Variants in CNGB1 observed in about 807,000 individuals in gnomAD.
The protein encoded by CNGB1 is cyclic nucleotide-gated channel beta-1.
A neutral mutation model predicts 151.7 loss-of-function variants in CNGB1; 126 were observed. The observed-to-expected ratio is 0.83, with a 90% confidence interval of 0.72 to 0.96. The LOEUF (loss-of-function observed/expected upper bound fraction) is 0.96. Among genes scored for constraint, CNGB1 ranks in the 40% least tolerant of loss-of-function variants. CNGB1 has a pLI of 0.00. For synonymous variants in CNGB1, 623 were observed against 635.1 expected (o/e 0.98, Z 0.29); for missense variants, 1,698 against 1,627.0 (o/e 1.04, Z -0.75).
intron 17 of CNGB1, among the ~76,000 whole-genome samples, chr16:57,925,732 G>A (rs1961165689): frequency 6.6e-6 from 1 of 151,878 alleles, no homozygotes; most frequent in Non-Finnish European, 1.5e-5. Flanking sequence ...CTGTTGCCCT[G>A]GCTGGAATGC....
chr16:57,938,226 C>A (rs1418241008), intron 16 of CNGB1, among the ~76,000 whole-genome samples: 1 of 152,216 alleles, frequency 6.6e-6, no homozygotes, highest in African/African-American at 2.4e-5. Context: ...CAAGCCTGCA[C>A]CTGTTTGCTC....
chr16:57,924,158 A>T (rs1261474308), intron 17 of CNGB1, among the ~76,000 whole-genome samples: 1 of 152,108 alleles, frequency 6.6e-6, no homozygotes, highest in Non-Finnish European at 1.5e-5. Flanking sequence ...GGAAGAGGTG[A>T]TTTTGACACT....
At chr16:57,914,467 C>T (rs75969548) in intron 23 of CNGB1, among the ~76,000 whole-genome samples, 3,515 of 152,324 alleles carry the variant, frequency 0.023, 57 homozygotes, top group Middle Eastern at 0.054. Flanking sequence ...TGCCCTGTTT[C>T]TCTGGGTTGT....
chr16:57,966,240 C>T (rs944252821), intron 2 of CNGB1, among the ~76,000 whole-genome samples: 6 of 152,228 alleles, frequency 3.9e-5, no homozygotes, highest in Non-Finnish European at 8.8e-5. Flanking sequence ...AGACTCACCA[C>T]GTTCCCTCCT....
intron 30 of CNGB1, 116 bp from the exon 31 acceptor site, chr16:57,897,659 C>T: frequency 1.3e-6 from 2 of 1,556,274 alleles, no homozygotes; most frequent in South Asian, 1.1e-5. Flanking sequence ...GAGAACCTTC[C>T]CCCGCCCCCA....
At chr16:57,913,821 A>G (rs1960794657) in intron 23 of CNGB1, among the ~76,000 whole-genome samples, 1 of 152,168 alleles carries the variant, frequency 6.6e-6, no homozygotes, top group Non-Finnish European at 1.5e-5. Flanking sequence ...CCTTATTTAC[A>G]TATGAAGTAT....
At position 57,892,222 on chromosome 16, in the gene CNGB1, C is replaced by T. The variant is rs575145225; in HGVS notation, c.3243-4148G>A. Among the ~76,000 whole-genome samples, 12 of 152,246 alleles carry T rather than the reference C, an allele frequency of 7.9e-5. No individual in the cohort carries two copies. In the South Asian group the frequency reaches 1.4e-3, roughly 18 times the overall value. ...AAGTATTTTGCTGCTCTGGGCATGTCCTTGAATGACCACAAAAGCCTGTTA... is the reference window on the plus strand; with the variant it reads ...AAGTATTTTGCTGCTCTGGGCATGTTCTTGAATGACCACAAAAGCCTGTTA... On this transcript the variant is annotated intron_variant, in intron 31 of 32. Coordinates refer to ENST00000251102, the MANE Select transcript of CNGB1 (RefSeq NM_001297.5).
In CNGB1 at chr16:57,931,706, A is replaced by G. The variant is rs781197120; in HGVS notation, c.1535+10T>C. ...GCCGAGAAAAGCCCAAGAGAAGCAT[A>G]AAAGGTAACCTGTGTGTCCCCGAGG... is the stretch of plus-strand genomic sequence containing the variant. On this transcript the variant is annotated intron_variant, in intron 17 of 32. Transcript: ENST00000251102. 9.3e-6 allele frequency: 15 copies of G among 1,613,742 alleles called. No homozygotes were observed. The Admixed American group carries it at 2.0e-4, about 22-fold the overall frequency.
chr16:57,894,074 A>G (rs538033041), intron 31 of CNGB1, among the ~76,000 whole-genome samples: 1 of 152,334 alleles, frequency 6.6e-6, no homozygotes, highest in South Asian at 2.1e-4. Flanking sequence ...TTCCCCAACA[A>G]TGCAAAATAC....
chr16:57,906,746 A>G (rs1413153465), intron 25 of CNGB1, among the ~76,000 whole-genome samples: 1 of 152,194 alleles, frequency 6.6e-6, no homozygotes, highest in Non-Finnish European at 1.5e-5. Context: ...GAGAGGACAT[A>G]GGCGCGATGT....
chr16:57,907,698 T>C (rs1162046255), intron 25 of CNGB1, among the ~76,000 whole-genome samples: 2 of 152,162 alleles, frequency 1.3e-5, no homozygotes, highest in East Asian at 3.9e-4. Context: ...TCTGCCTCCT[T>C]GTGATGGGTT....
At chr16:57,962,095 C>G (rs574409101) in intron 7 of CNGB1, among the ~76,000 whole-genome samples, 2 of 152,318 alleles carry the variant, frequency 1.3e-5, no homozygotes, top group East Asian at 3.9e-4. Context: ...CTTCTCGGAG[C>G]TCCCTGGCTC....
chr16:57,930,052 G>T (rs1961304015), intron 17 of CNGB1, among the ~76,000 whole-genome samples: 1 of 152,194 alleles, frequency 6.6e-6, no homozygotes, highest in African/African-American at 2.4e-5. Context: ...AAATAGGACT[G>T]CCATATGATC....
chr16:57,893,879 C>G (rs7198277), intron 31 of CNGB1, among the ~76,000 whole-genome samples: 1,876 of 152,222 alleles, frequency 0.012, 42 homozygotes, highest in African/African-American at 0.043. Flanking sequence ...CAACTGAGAC[C>G]AGAAAAGTTA....
chr16:57,917,586 A>T, intron 20 of CNGB1, 110 bp from the exon 21 acceptor site: 1 of 946,028 alleles, frequency 1.1e-6, no homozygotes, highest in Non-Finnish European at 1.7e-6. Context: ...TACATGTGGC[A>T]CTTTTGTAAG....
Position 57,917,390 on chromosome 16 carries a change from AG to A in CNGB1, c.2043del (p.Tyr682ThrfsTer12). 1 of 1,614,134 alleles carries A rather than the reference AG, an allele frequency of 6.2e-7. No individual in the cohort carries two copies. Among genetic ancestry groups the A allele is most frequent in the Non-Finnish European group, 8.5e-7 (1 of 1,180,026 alleles). ...CWLIPVRWAFPYQTPDNIHHW... is the reference protein window; with the variant it reads ...CWLIPVRWAFXYQTPDNIHHW... ...TGGTGGATGTTGTCCGGGGTCTGGT[AG>A]GGGAAGGCCCAGCGCACGGGAATCA... On this transcript the variant is annotated frameshift_variant, in exon 21 of 33. Coordinates refer to ENST00000251102, the MANE Select transcript of CNGB1 (RefSeq NM_001297.5). LOFTEE classifies it high-confidence loss of function.
At position 57,960,478 on chromosome 16, in the gene CNGB1, G is replaced by A. The variant is rs754000462; in HGVS notation, c.583+4C>T. ...AGCCCCCTCCCGAGCTCCCCTCCCT[G>A]TACCTGGGTCTGAGGCAGCACCTGT... On this transcript the variant is annotated splice_donor_region_variant and intron_variant, in intron 9 of 32. Transcript: ENST00000251102. 9.3e-6 allele frequency: 15 copies of A among 1,613,152 alleles called. No individual in the cohort carries two copies. Among genetic ancestry groups the A allele is most frequent in the Non-Finnish European group, 1.3e-5 (15 of 1,179,662 alleles).
chr16:57,928,713 C>T (rs369247863), intron 17 of CNGB1, among the ~76,000 whole-genome samples: 14 of 152,194 alleles, frequency 9.2e-5, no homozygotes, highest in East Asian at 5.8e-4. Context: ...TCTTGGCTCA[C>T]TGCAACCGCT....
intron 20 of CNGB1, 151 bp from the exon 21 acceptor site, chr16:57,917,627 TAC>T (rs146174302): frequency 0.23 from 112,875 of 498,006 alleles, 4,187 homozygotes; most frequent in South Asian, 0.32. Flanking sequence ...TGTGTATATA[TAC>T]ACACACACAC....
Sources: allele counts gnomAD v4.1 joint callset (sites outside exome capture counted in the v4.1 genomes callset), GRCh38; gene constraint gnomAD v4.1.1; transcripts MANE v1.5; gene names NCBI Gene and HGNC (gene_info 2026-07-23, HGNC 2026-07-21).